The following FAM135B variants were observed in gnomAD, a reference collection of about 807,000 sequenced individuals.
FAM135B encodes protein FAM135B.
In FAM135B, 43 loss-of-function variants were observed where a neutral mutation model predicts 127.7. The ratio of observed to expected loss-of-function variants is 0.34; its 90% confidence interval spans 0.26 to 0.43. The LOEUF is 0.43. Ranked by LOEUF, FAM135B falls within the 20% of genes least tolerant of loss-of-function variation. The pLI is 1.00. For missense variants in FAM135B, 1,558 were observed against 1,725.6 expected, an observed-to-expected ratio of 0.90 and a Z score of 1.72; for synonymous variants, 670 against 665.1, an observed-to-expected ratio of 1.01 and a Z score of -0.11.
chr8:138,283,451 TAA>T (rs1196389827), intron 3 of FAM135B, among the ~76,000 whole-genome samples: 7 of 151,682 alleles, frequency 4.6e-5, no homozygotes, highest in East Asian at 1.9e-4. Flanking sequence ...TTTTCAGGGT[TAA>T]GGGAGGTGGA....
At chr8:138,302,500 C>T (rs1244522716) in intron 3 of FAM135B, among the ~76,000 whole-genome samples, 2 of 152,142 alleles carry the variant, frequency 1.3e-5, no homozygotes. Context: ...GAGCCTTATC[C>T]CCTAGGGAAC....
chr8:138,455,156 A>G (rs1300944408), intron 1 of FAM135B, among the ~76,000 whole-genome samples: 1 of 152,228 alleles, frequency 6.6e-6, no homozygotes, highest in East Asian at 1.9e-4. Flanking sequence ...TTCAAATCCA[A>G]CAAATACAAT....
At chr8:138,309,223 CCTT>C (rs1470284402) in intron 3 of FAM135B, among the ~76,000 whole-genome samples, 1 of 152,006 alleles carries the variant, frequency 6.6e-6, no homozygotes, top group Non-Finnish European at 1.5e-5. Flanking sequence ...ACATCAGGGA[CCTT>C]CTTCTGTTGG....
Position 138,132,857 on chromosome 8 carries a change from G to A in FAM135B, c.4016-59C>T, listed in dbSNP as rs1401708479. 9.4e-6 allele frequency: 14 copies of A among 1,489,298 alleles called. No homozygotes were observed. The East Asian group carries it at 1.6e-4, about 17-fold the overall frequency. 92.3% of individuals were successfully genotyped at this position (1,489,298 alleles called of 1,614,324 possible). A position where few individuals can be genotyped will look rare whatever the true frequency, so the allele number is the denominator to read the frequency against. ...GCAGAAATTAGCAGTGGAATCTAGA[G>A]AACATCACTAGATGTGTGTCGAAAT... is the stretch of plus-strand genomic sequence containing the variant. On this transcript the variant is annotated intron_variant, in intron 19 of 19. Transcript: ENST00000395297. This position sits in a 1 kb window ranked among gnomAD's most constrained non-coding sequence, Gnocchi z 4.5.
chr8:138,246,368 G>A (rs1349976323), intron 6 of FAM135B, among the ~76,000 whole-genome samples: 1 of 152,116 alleles, frequency 6.6e-6, no homozygotes, highest in Non-Finnish European at 1.5e-5. Flanking sequence ...CTGGGACCAG[G>A]GCCCCCTTGC....
At chr8:138,409,743 T>C (rs1587380748) in intron 1 of FAM135B, among the ~76,000 whole-genome samples, 2 of 151,854 alleles carry the variant, frequency 1.3e-5, no homozygotes, top group East Asian at 2.0e-4. Context: ...GGCATGGTGG[T>C]GGGCGCTTGT....
chr8:138,469,105 G>A (rs1837538989), intron 1 of FAM135B, among the ~76,000 whole-genome samples: 1 of 150,932 alleles, frequency 6.6e-6, no homozygotes. Context: ...AGGAAGGAAG[G>A]AGGGAAAGAA....
chr8:138,362,101 G>A (rs1830455035), intron 2 of FAM135B, among the ~76,000 whole-genome samples: 1 of 151,936 alleles, frequency 6.6e-6, no homozygotes, highest in African/African-American at 2.4e-5. Context: ...ATCTCCTCAA[G>A]CGTATTTATC....
chr8:138,400,189 G>A (rs1482409124), intron 1 of FAM135B, among the ~76,000 whole-genome samples: 1 of 152,202 alleles, frequency 6.6e-6, no homozygotes, highest in East Asian at 1.9e-4. Flanking sequence ...AATCTGCCAA[G>A]GGAGCCTGGC....
chr8:138,340,775 C>T (rs534151838), intron 2 of FAM135B, among the ~76,000 whole-genome samples: 93 of 152,248 alleles, frequency 6.1e-4, no homozygotes, highest in African/African-American at 2.2e-3. Context: ...GCTCCCTGTA[C>T]CTCAACTCTC....
rs2130764063 is a variant in FAM135B, at chr8:138,152,298, T to A, written c.2177A>T (p.Asn726Ile). The part of the protein sequence containing the change: ...PFVRRHALHR[N>I]SLEGGHTESN... ...TTCTGTGTGTCCACCCTCTAGGGAG[T>A]TCCGGTGGAGGGCATGTCTTCGAAC... Residue 726 changes from asparagine to isoleucine, a missense_variant, in exon 13 of 20, where the codon AAC becomes ATC. By Grantham distance (149) the Asn-to-Ile change is moderately radical. Coordinates refer to ENST00000395297, the MANE Select transcript of FAM135B (RefSeq NM_015912.4). 6.2e-7 allele frequency: 1 copy of A among 1,614,084 alleles called. No homozygotes were observed. Among genetic ancestry groups the A allele is most frequent in the Non-Finnish European group, 8.5e-7 (1 of 1,180,020 alleles).
chr8:138,465,758 A>AC (rs1484309025), intron 1 of FAM135B, among the ~76,000 whole-genome samples: 4 of 149,710 alleles, frequency 2.7e-5, no homozygotes, highest in Non-Finnish European at 4.4e-5. Context: ...TTGTTGCTGT[A>AC]CATCTTGGTG....
At chr8:138,353,940 T>G (rs1829931080) in intron 2 of FAM135B, among the ~76,000 whole-genome samples, 1 of 151,960 alleles carries the variant, frequency 6.6e-6, no homozygotes, top group African/African-American at 2.4e-5. Context: ...TGCTGCTTGA[T>G]CCTCTTCTCC....
At chr8:138,489,499 A>G (rs1815120491) in intron 1 of FAM135B, among the ~76,000 whole-genome samples, 1 of 152,282 alleles carries the variant, frequency 6.6e-6, no homozygotes, top group South Asian at 2.1e-4. Context: ...CCTCCTGTAT[A>G]ATTTACTTTT....
intron 1 of FAM135B, among the ~76,000 whole-genome samples, chr8:138,375,594 T>C (rs1587279739): frequency 6.6e-6 from 1 of 152,238 alleles, no homozygotes; most frequent in Non-Finnish European, 1.5e-5. Flanking sequence ...CCATAACACG[T>C]AAAGTCGAAG....
At chr8:138,366,689 G>C (rs372979618) in intron 2 of FAM135B, among the ~76,000 whole-genome samples, 32 of 152,244 alleles carry the variant, frequency 2.1e-4, no homozygotes, top group African/African-American at 7.2e-4. Context: ...CACACAAGAG[G>C]CACTTGAAGC....
intron 4 of FAM135B, among the ~76,000 whole-genome samples, chr8:138,264,815 T>C (rs1241529210): frequency 6.6e-6 from 1 of 152,090 alleles, no homozygotes; most frequent in East Asian, 1.9e-4. Flanking sequence ...AGAAAGATAA[T>C]AGATGCCCAA....
chr8:138,322,565 T>G (rs755726751), intron 2 of FAM135B, among the ~76,000 whole-genome samples: 1 of 152,184 alleles, frequency 6.6e-6, no homozygotes, highest in East Asian at 1.9e-4. Context: ...AGTGGCTTTC[T>G]CTCCTTTAAA....
chr8:138,365,098 C>T (rs1238613783), intron 2 of FAM135B, among the ~76,000 whole-genome samples: 8 of 152,154 alleles, frequency 5.3e-5, no homozygotes, highest in Non-Finnish European at 1.2e-4. Context: ...CCACCTGTCT[C>T]AGCCTCCCAA....
Sources: allele counts gnomAD v4.1 joint callset (sites outside exome capture counted in the v4.1 genomes callset), GRCh38; gene constraint gnomAD v4.1.1; non-coding constraint Gnocchi (gnomAD v3.1); transcripts MANE v1.5; gene names NCBI Gene and HGNC (gene_info 2026-07-23, HGNC 2026-07-21).